TRMT11: variants seen among roughly 807,000 people sequenced by gnomAD.
TRMT11 encodes tRNA methyltransferase 11, also known as tRNA (guanine(10)-N(2))-methyltransferase TRMT11.
Under a neutral mutation model 62.8 loss-of-function variants are expected in TRMT11, and 53 were observed. The ratio of observed to expected loss-of-function variants is 0.84; its 90% CI spans 0.68 to 1.06. The LOEUF (loss-of-function observed/expected upper bound fraction) is 1.06. Ranked by LOEUF, TRMT11 falls within the 50% of genes least tolerant of loss-of-function variation. The probability of loss-of-function intolerance (pLI) is 0.00; values close to 1 mark genes in which losing one functional copy is unlikely to be tolerated. For missense variants in TRMT11, 556 were observed against 553.4 expected, an observed-to-expected ratio of 1.00 and a Z score of -0.05; for synonymous variants, 188 against 190.3, an observed-to-expected ratio of 0.99 and a Z score of 0.10.
At chr6:126,044,859 G>C (rs543751988) in intron 16 of TRMT11, among the ~76,000 whole-genome samples, 1 of 151,778 alleles carries the variant, frequency 6.6e-6, no homozygotes, top group South Asian at 2.1e-4. Context: ...ACTCTTCTGG[G>C]ACTTGGGTAT....
intron 21 of TRMT11, among the ~76,000 whole-genome samples, chr6:126,142,264 T>A (rs1777925505): frequency 6.6e-6 from 1 of 152,048 alleles, no homozygotes; most frequent in African/African-American, 2.4e-5. Context: ...TGCATTGCTT[T>A]ATAGAGCAAG....
chr6:126,093,631 A>ATATATTTTTTTTT (rs1554236842), intron 17 of TRMT11, among the ~76,000 whole-genome samples: 9 of 98,016 alleles, frequency 9.2e-5, no homozygotes, highest in African/African-American at 3.9e-4. Context: ...ATATATATAT[A>ATATATTTTTTTTT]TTTTCCCCCA....
At chr6:126,146,606 C>G (rs1380275640) in intron 21 of TRMT11, among the ~76,000 whole-genome samples, 2 of 151,994 alleles carry the variant, frequency 1.3e-5, no homozygotes, top group Non-Finnish European at 2.9e-5. Context: ...CAACCTCCAC[C>G]TCCCAGGTTC....
chr6:126,086,838 T>G (rs1043108900), intron 17 of TRMT11, among the ~76,000 whole-genome samples: 2 of 152,200 alleles, frequency 1.3e-5, no homozygotes, highest in Non-Finnish European at 2.9e-5. Context: ...TCTCTTTTAC[T>G]TGTTCAGCTA....
At position 126,074,889 on chromosome 6, in the gene TRMT11, A is replaced by G. The variant is rs193105181; in HGVS notation, c.*1437+21699A>G. 1.8e-4 allele frequency among the ~76,000 whole-genome samples: 28 copies of G among 152,314 alleles called. No individual in the cohort carries two copies. The East Asian group carries it at 4.4e-3, about 24-fold the overall frequency. On this transcript the variant is annotated intron_variant and NMD_transcript_variant, in intron 17 of 22. Transcript: ENST00000648977. ...GAAAAAAATCTAAAAGTCAGTATTC[A>G]TTCAGTTCATTTTTTAATTTATTGA...
At position 126,039,250 on chromosome 6, in the gene TRMT11, A is replaced by G. The variant is rs1463736465; in HGVS notation, c.*414A>G. ...GTTGTCATCGATTTACATTGCCACTAATAAACCATATTGAGAATTTCTAAA... is the reference window on the plus strand; with the variant it reads ...GTTGTCATCGATTTACATTGCCACTGATAAACCATATTGAGAATTTCTAAA... On this transcript the variant is annotated 3_prime_UTR_variant, in exon 13 of 13. Coordinates refer to ENST00000334379, the MANE Select transcript of TRMT11 (RefSeq NM_001031712.3). The G allele has an allele frequency of 2.0e-5, 3 of 152,922 alleles. No homozygotes were observed. In the East Asian group the frequency reaches 5.7e-4, roughly 29 times the overall value. 9.5% of individuals were successfully genotyped at this position (152,922 alleles called of 1,614,324 possible).
intron 17 of TRMT11, among the ~76,000 whole-genome samples, chr6:126,110,633 T>G (rs1418226850): frequency 6.6e-6 from 1 of 152,078 alleles, no homozygotes; most frequent in Non-Finnish European, 1.5e-5. Context: ...TGGAGCAGAA[T>G]GGAAATGCTT....
intron 17 of TRMT11, among the ~76,000 whole-genome samples, chr6:126,058,137 G>A (rs1042207036): frequency 2.0e-5 from 3 of 152,012 alleles, no homozygotes; most frequent in African/African-American, 7.2e-5. Flanking sequence ...CCCAGTGTGT[G>A]ATGTTCCCCT....
At chr6:126,068,979 G>A (rs982101606) in intron 17 of TRMT11, among the ~76,000 whole-genome samples, 1 of 152,224 alleles carries the variant, frequency 6.6e-6, no homozygotes, top group Admixed American at 6.5e-5. Context: ...GCCAGCAGTT[G>A]TCCAGGCTTG....
At chr6:126,137,203 A>G (rs1356676109) in intron 21 of TRMT11, among the ~76,000 whole-genome samples, 2 of 151,946 alleles carry the variant, frequency 1.3e-5, no homozygotes, top group Non-Finnish European at 2.9e-5. Context: ...GAGACAACCT[A>G]CAGAACAGGA....
chr6:126,012,804 C>T lies in TRMT11; in HGVS notation c.959C>T (p.Thr320Ile). The T allele has an allele frequency of 1.9e-6, 3 of 1,613,642 alleles. No homozygotes were observed. The highest frequency in any genetic ancestry group is 1.1e-5 in the South Asian group (1 of 91,070). ...PYGIRESTRR[T>I]GSQKEIPKGI... ...GGTATCAGAGAATCTACAAGAAGAA[C>T]AGGTTCACAGAAGGAGATACCAAAG... is the stretch of plus-strand genomic sequence containing the variant. The change falls in exon 10 of 13, where the codon ACA (threonine) becomes ATA (isoleucine). Residue 320 changes from threonine (T) to isoleucine (I), a missense_variant. By Grantham distance (89) the Thr-to-Ile change is moderately conservative. Transcript: ENST00000334379.
the TRMT11 span, among the ~76,000 whole-genome samples, chr6:126,212,733 C>T: frequency 5.9e-5 from 9 of 152,086 alleles, no homozygotes; most frequent in Non-Finnish European, 7.4e-5. Flanking sequence ...TGGGTTGTCT[C>T]TTTACTTTGC....
chr6:126,033,676 C>T (rs1034043587), intron 12 of TRMT11, among the ~76,000 whole-genome samples: 1 of 152,132 alleles, frequency 6.6e-6, no homozygotes, highest in Non-Finnish European at 1.5e-5. Flanking sequence ...GACTGTGGGA[C>T]TCTCGATGTT....
chr6:126,018,090 T>C (rs565098180), intron 11 of TRMT11, among the ~76,000 whole-genome samples: 3 of 152,240 alleles, frequency 2.0e-5, no homozygotes, highest in African/African-American at 4.8e-5. Flanking sequence ...GACATACTTA[T>C]ATTAAAATAG....
chr6:126,217,852 A>G, the TRMT11 span, among the ~76,000 whole-genome samples: 1 of 152,002 alleles, frequency 6.6e-6, no homozygotes. Context: ...TTTTCCCTCA[A>G]CTGCAGGTGA....
chr6:126,057,303 T>C (rs932980286), intron 17 of TRMT11, among the ~76,000 whole-genome samples: 2 of 152,228 alleles, frequency 1.3e-5, no homozygotes, highest in East Asian at 1.9e-4. Context: ...AGGAATTGAA[T>C]TGAATTCTTA....
chr6:126,110,394 A>G (rs1475078724), intron 17 of TRMT11, among the ~76,000 whole-genome samples: 3 of 152,164 alleles, frequency 2.0e-5, no homozygotes, highest in African/African-American at 7.2e-5. Flanking sequence ...AGAGAATCAG[A>G]ATGCTCAGTG....
At chr6:126,104,581 G>T (rs1406698994) in intron 17 of TRMT11, among the ~76,000 whole-genome samples, 1 of 152,184 alleles carries the variant, frequency 6.6e-6, no homozygotes, top group African/African-American at 2.4e-5. Context: ...GGACAGAGGG[G>T]AAGCTCTTAA....
At chr6:126,068,347 A>G (rs939744352) in intron 17 of TRMT11, among the ~76,000 whole-genome samples, 1 of 152,124 alleles carries the variant, frequency 6.6e-6, no homozygotes, top group East Asian at 1.9e-4. Flanking sequence ...GAAATACTGT[A>G]TTCTCTTGAC....
Sources: gnomAD v4.1 joint callset for allele counts (sites outside exome capture counted in the v4.1 genomes callset) on GRCh38, gnomAD v4.1.1 for gene constraint, MANE v1.5 for transcripts, NCBI Gene and HGNC (gene_info 2026-07-23, HGNC 2026-07-21) for gene names.